Variants in GALNT13 observed in about 807,000 individuals in gnomAD.
GALNT13 encodes UDP-GalNAc:polypeptide N-acetylgalactosaminyltransferase 13.
Under a neutral mutation model 64.2 loss-of-function variants are expected in GALNT13, and 28 were observed. That is an observed-to-expected ratio of 0.44 (90% CI 0.32 to 0.60). The LOEUF (loss-of-function observed/expected upper bound fraction) is 0.60. Among genes scored for constraint, GALNT13 ranks in the 20% least tolerant of loss-of-function variants. The probability of loss-of-function intolerance (pLI) is 0.05; values close to 1 mark genes in which losing one functional copy is unlikely to be tolerated. For missense variants in GALNT13, 577 were observed against 669.8 expected (o/e 0.86, Z 1.53); for synonymous variants, 214 against 224.6 (o/e 0.95, Z 0.42).
the GALNT13 span, among the ~76,000 whole-genome samples, chr2:153,074,423 A>G: frequency 0.96 from 146,624 of 152,250 alleles, 70,630 homozygotes; most frequent in East Asian, 1. Flanking sequence ...GTTACTTAAC[A>G]ATGGGGATAT....
At chr2:153,083,391 C>A in the GALNT13 span, among the ~76,000 whole-genome samples, 1 of 152,190 alleles carries the variant, frequency 6.6e-6, no homozygotes, top group East Asian at 1.9e-4. Flanking sequence ...CCCACATCTA[C>A]CCCAACATCT....
At chr2:153,938,200 A>G (rs1691084867) in intron 2 of GALNT13, among the ~76,000 whole-genome samples, 1 of 152,170 alleles carries the variant, frequency 6.6e-6, no homozygotes. Context: ...GGGACAGTTC[A>G]CCAGGGTAAC....
chr2:153,208,200 A>G, the GALNT13 span: 1 of 152,206 alleles, frequency 6.6e-6, no homozygotes, highest in Non-Finnish European at 1.5e-5. Context: ...ATGCTTTAAT[A>G]TACACATCAA....
At chr2:153,477,598 A>G in the GALNT13 span, 19 of 119,632 alleles carry the variant, frequency 1.6e-4, no homozygotes, top group African/African-American at 5.6e-4. Flanking sequence ...TTCTCCCACA[A>G]TGACAAAACT....
the GALNT13 span, among the ~76,000 whole-genome samples, chr2:153,719,387 A>C: frequency 6.6e-6 from 1 of 152,168 alleles, no homozygotes; most frequent in African/African-American, 2.4e-5. Context: ...TCAATTTGTA[A>C]TTGATGATTA....
At chr2:153,699,313 C>T in the GALNT13 span, among the ~76,000 whole-genome samples, 1 of 152,032 alleles carries the variant, frequency 6.6e-6, no homozygotes, top group African/African-American at 2.4e-5. Context: ...GGTAACCTAC[C>T]AGTATCTCTG....
At chr2:153,158,689 T>C in the GALNT13 span, among the ~76,000 whole-genome samples, 8 of 152,226 alleles carry the variant, frequency 5.3e-5, no homozygotes, top group African/African-American at 1.9e-4. Context: ...GAACATGATG[T>C]ATTTTGAAAA....
the GALNT13 span, among the ~76,000 whole-genome samples, chr2:153,233,600 A>G: frequency 6.6e-6 from 1 of 152,098 alleles, no homozygotes; most frequent in Non-Finnish European, 1.5e-5. Flanking sequence ...CTATTCCTGA[A>G]CTACTTAAAT....
At chr2:153,232,617 C>T in the GALNT13 span, among the ~76,000 whole-genome samples, 1 of 152,212 alleles carries the variant, frequency 6.6e-6, no homozygotes, top group African/African-American at 2.4e-5. Context: ...TCATAGTCAT[C>T]AGCTCACTGG....
intron 3 of GALNT13, among the ~76,000 whole-genome samples, chr2:153,947,132 A>G (rs72865057): frequency 2.6e-5 from 4 of 152,052 alleles, no homozygotes; most frequent in Non-Finnish European, 5.9e-5. Flanking sequence ...ATTAACATAC[A>G]CTGTTAATGA....
At chr2:153,716,452 C>A in the GALNT13 span, among the ~76,000 whole-genome samples, 3 of 151,996 alleles carry the variant, frequency 2.0e-5, no homozygotes, top group Non-Finnish European at 4.4e-5. Context: ...CCAGGGAAAC[C>A]AAAGATTGGA....
intron 11 of GALNT13, among the ~76,000 whole-genome samples, chr2:154,428,561 T>A (rs1229877710): frequency 6.6e-6 from 1 of 152,174 alleles, no homozygotes; most frequent in African/African-American, 2.4e-5. Flanking sequence ...TAGGCATACA[T>A]TGTTTTATTA....
At chr2:153,638,663 GC>G in the GALNT13 span, among the ~76,000 whole-genome samples, 1 of 152,008 alleles carries the variant, frequency 6.6e-6, no homozygotes, top group Non-Finnish European at 1.5e-5. Context: ...AAAGTACACA[GC>G]CCAACCCTAA....
chr2:153,583,440 G>T, the GALNT13 span, among the ~76,000 whole-genome samples: 1 of 152,150 alleles, frequency 6.6e-6, no homozygotes, highest in Non-Finnish European at 1.5e-5. Flanking sequence ...CGGGAACATG[G>T]GAGATCAACA....
chr2:153,164,011 C>G, the GALNT13 span, among the ~76,000 whole-genome samples: 2 of 136,286 alleles, frequency 1.5e-5, no homozygotes, highest in Non-Finnish European at 1.6e-5. Context: ...GAGCCAGGCT[C>G]CGTCTCAAAA....
chr2:153,764,809 T>G, the GALNT13 span, among the ~76,000 whole-genome samples: 2 of 152,324 alleles, frequency 1.3e-5, no homozygotes, highest in East Asian at 3.9e-4. Flanking sequence ...CCCTGCTGTG[T>G]GCAGCCCAGG....
the GALNT13 span, among the ~76,000 whole-genome samples, chr2:153,233,998 G>T: frequency 6.6e-6 from 1 of 152,148 alleles, no homozygotes; most frequent in African/African-American, 2.4e-5. Context: ...ATGTATAAAA[G>T]AAGCTTATAA....
At chr2:153,352,693 C>T in the GALNT13 span, among the ~76,000 whole-genome samples, 7 of 152,050 alleles carry the variant, frequency 4.6e-5, no homozygotes, top group Admixed American at 3.9e-4. Flanking sequence ...GTTGTTCCAG[C>T]ACCATTTGTT....
the GALNT13 span, among the ~76,000 whole-genome samples, chr2:153,460,583 G>A: frequency 1.3e-5 from 2 of 152,074 alleles, no homozygotes. Context: ...ATATTATTAA[G>A]TTATGAGTTA....
Sources: allele counts gnomAD v4.1 joint callset (sites outside exome capture counted in the v4.1 genomes callset), GRCh38; gene constraint gnomAD v4.1.1; transcripts MANE v1.5; gene names NCBI Gene and HGNC (gene_info 2026-07-23, HGNC 2026-07-21).